Variants in GRIA4 observed in about 807,000 individuals in gnomAD.
GRIA4 encodes the protein glutamate receptor 4.
A neutral mutation model predicts 104.0 loss-of-function variants in GRIA4; 34 were observed. The ratio of observed to expected loss-of-function variants is 0.33; its 90% CI spans 0.25 to 0.44. The LOEUF (loss-of-function observed/expected upper bound fraction) is 0.44, where lower values mean the gene tolerates loss of function less well. GRIA4 is among the 20% of genes least tolerant of loss of function. The pLI is 1.00. For missense variants in GRIA4, 750 were observed against 1,096.5 expected (o/e 0.68, Z 4.46); for synonymous variants, 386 against 381.9 (o/e 1.01, Z -0.13).
At chr11:105,687,646 T>C (rs1284573695) in intron 3 of GRIA4, among the ~76,000 whole-genome samples, 4 of 152,168 alleles carry the variant, frequency 2.6e-5, no homozygotes, top group South Asian at 4.1e-4. Context: ...ATAAAGCATC[T>C]TGGACAGTGA....
At chr11:105,744,344 T>G (rs770533812) in intron 3 of GRIA4, among the ~76,000 whole-genome samples, 1 of 152,188 alleles carries the variant, frequency 6.6e-6, no homozygotes, top group Non-Finnish European at 1.5e-5. Flanking sequence ...AGTGCATGCT[T>G]TCTACTAAAG....
intron 3 of GRIA4, among the ~76,000 whole-genome samples, chr11:105,660,615 T>A (rs1185604668): frequency 6.6e-6 from 1 of 151,504 alleles, no homozygotes; most frequent in Non-Finnish European, 1.5e-5. Flanking sequence ...ATAATTTCTC[T>A]AGAGAATTAA....
At chr11:105,854,676 G>T (rs775091328) in intron 4 of GRIA4, among the ~76,000 whole-genome samples, 4 of 152,070 alleles carry the variant, frequency 2.6e-5, no homozygotes, top group Non-Finnish European at 4.4e-5. Context: ...ATATTTTGAA[G>T]GTAGCCTTGA....
chr11:105,752,001 T>C (rs571343141), intron 3 of GRIA4, among the ~76,000 whole-genome samples: 40 of 152,188 alleles, frequency 2.6e-4, no homozygotes, highest in Admixed American at 2.6e-3. Flanking sequence ...GAATTTGGAA[T>C]CCAAATAGAT....
intron 4 of GRIA4, among the ~76,000 whole-genome samples, chr11:105,759,242 C>T (rs1940481892): frequency 6.6e-6 from 1 of 152,002 alleles, no homozygotes; most frequent in East Asian, 1.9e-4. Flanking sequence ...TTTTGATATT[C>T]TTGGTCATGA....
chr11:105,657,010 A>G (rs1238450318), intron 3 of GRIA4, among the ~76,000 whole-genome samples: 1 of 150,458 alleles, frequency 6.6e-6, no homozygotes, highest in East Asian at 1.9e-4. Flanking sequence ...TATGACCTGT[A>G]TATTTATAAA....
At chr11:105,969,841 A>G (rs563459546) in intron 14 of GRIA4, among the ~76,000 whole-genome samples, 26 of 152,302 alleles carry the variant, frequency 1.7e-4, no homozygotes, top group African/African-American at 6.0e-4. Flanking sequence ...GAGCTACTTT[A>G]TAGAGCACCT....
intron 7 of GRIA4, 53 bp downstream of exon 7, chr11:105,898,480 G>C: frequency 9.1e-7 from 1 of 1,097,150 alleles, no homozygotes; most frequent in Non-Finnish European, 1.3e-6. Flanking sequence ...AATTTAAGAT[G>C]AAAAGTTTAT....
chr11:105,654,012 AAAAAAAAAAAAAAAAGAAAAC>A (rs1202418571), intron 3 of GRIA4, among the ~76,000 whole-genome samples: 88 of 148,460 alleles, frequency 5.9e-4, no homozygotes, highest in African/African-American at 2.0e-3. Context: ...AAAAAAAAAA[AAAAAAAAAAAAAAAAGAAAAC>A]AAAAAAGAAG....
intron 4 of GRIA4, among the ~76,000 whole-genome samples, chr11:105,787,690 GGTACAGAATTCTT>G (rs1942034079): frequency 6.6e-6 from 1 of 151,036 alleles, no homozygotes; most frequent in East Asian, 1.9e-4. Flanking sequence ...TTGCCAGGCT[GGTACAGAATTCTT>G]GTACAGAATT....
intron 4 of GRIA4, among the ~76,000 whole-genome samples, chr11:105,844,700 T>A (rs555306313): frequency 2.6e-5 from 4 of 152,296 alleles, no homozygotes; most frequent in African/African-American, 9.6e-5. Context: ...TATCTAGAAT[T>A]TTTTATTACC....
At chr11:105,824,155 T>C (rs371797034) in intron 4 of GRIA4, among the ~76,000 whole-genome samples, 10 of 152,244 alleles carry the variant, frequency 6.6e-5, no homozygotes, top group African/African-American at 2.4e-4. Context: ...TGTGGTGTTT[T>C]GTTATGGCAG....
Position 105,684,291 on chromosome 11 carries a change from C to T in GRIA4, c.248-68690C>T, listed in dbSNP as rs538581981. Among the ~76,000 whole-genome samples, 6 of 152,126 alleles carry T rather than the reference C, an allele frequency of 3.9e-5. 1 individual carries two copies. The highest frequency in any genetic ancestry group is 1.2e-4 in the African/African-American group (5 of 41,502). On this transcript the variant is annotated intron_variant, in intron 3 of 16. Coordinates refer to ENST00000282499, the MANE Select transcript of GRIA4 (RefSeq NM_000829.4). ...GTTCTTATCTTACAAATATTATCAA[C>T]GACATTAAACAGATGGAAAACACAG...
intron 4 of GRIA4, among the ~76,000 whole-genome samples, chr11:105,760,600 A>G (rs1053088505): frequency 1.3e-5 from 2 of 152,156 alleles, no homozygotes; most frequent in African/African-American, 2.4e-5. Flanking sequence ...ATGAGTTTGC[A>G]TAATGTTTAA....
chr11:105,773,805 A>G (rs1482036776), intron 4 of GRIA4, among the ~76,000 whole-genome samples: 1 of 151,996 alleles, frequency 6.6e-6, no homozygotes, highest in East Asian at 1.9e-4. Flanking sequence ...AAAAATTAAC[A>G]AGATAATCTA....
intron 4 of GRIA4, among the ~76,000 whole-genome samples, chr11:105,787,973 AAAG>A (rs1354075277): frequency 1.3e-5 from 2 of 152,268 alleles, no homozygotes; most frequent in East Asian, 1.9e-4. Context: ...TGCCCATTAC[AAAG>A]AAGAGCTTCT....
chr11:105,975,186 CAA>C (rs1344257444), intron 16 of GRIA4, among the ~76,000 whole-genome samples: 6 of 152,122 alleles, frequency 3.9e-5, no homozygotes, highest in Non-Finnish European at 5.9e-5. Context: ...ATTTTGACTA[CAA>C]TTCACATTTA....
intron 10 of GRIA4, chr11:105,912,745 A>G (rs1947293085): frequency 2.1e-6 from 2 of 973,110 alleles, no homozygotes; most frequent in East Asian, 1.1e-4. Flanking sequence ...CCTTTTTCTG[A>G]AAGTGTTCCT....
At chr11:105,773,941 T>C (rs1465274046) in intron 4 of GRIA4, among the ~76,000 whole-genome samples, 1 of 151,372 alleles carries the variant, frequency 6.6e-6, no homozygotes, top group African/African-American at 2.4e-5. Context: ...ATCATTAAAA[T>C]ATGGATATAT....
Sources: gnomAD v4.1 joint callset for allele counts (sites outside exome capture counted in the v4.1 genomes callset) on GRCh38, gnomAD v4.1.1 for gene constraint, MANE v1.5 for transcripts, NCBI Gene and HGNC (gene_info 2026-07-23, HGNC 2026-07-21) for gene names.